Variants in CSMD1 observed in about 807,000 individuals in gnomAD.
The protein encoded by CSMD1 is CUB and sushi domain-containing protein 1.
A neutral mutation model predicts 417.5 loss-of-function variants in CSMD1; 213 were observed. The observed-to-expected ratio is 0.51, with a 90% CI of 0.46 to 0.57. The LOEUF is 0.57. Ranked by LOEUF, CSMD1 falls within the 20% of genes least tolerant of loss-of-function variation. The pLI, the probability that CSMD1 is intolerant of heterozygous loss-of-function variation, is 0.00. For synonymous variants in CSMD1, 2,862 were observed against 1,736.8 expected (o/e 1.65, Z -16.11); for missense variants, 6,923 against 4,529.7 (o/e 1.53, Z -15.17).
At chr8:3,408,462 C>T (rs1026237039) in intron 13 of CSMD1, among the ~76,000 whole-genome samples, 6 of 151,152 alleles carry the variant, frequency 4.0e-5, no homozygotes, top group Admixed American at 2.0e-4. Context: ...CAAGCACAAG[C>T]GTGGTTCAAA....
At chr8:4,726,932 G>C (rs1809498123) in intron 1 of CSMD1, among the ~76,000 whole-genome samples, 1 of 151,920 alleles carries the variant, frequency 6.6e-6, no homozygotes, top group African/African-American at 2.4e-5. Flanking sequence ...ATTTCTTCTG[G>C]GGATTGTACA....
At chr8:4,346,856 C>G (rs1355808289) in intron 3 of CSMD1, among the ~76,000 whole-genome samples, 1 of 152,158 alleles carries the variant, frequency 6.6e-6, no homozygotes, top group Non-Finnish European at 1.5e-5. Context: ...GAGGCCATCT[C>G]CACCTCTCTC....
chr8:3,282,712 C>T (rs1048454445), intron 26 of CSMD1, among the ~76,000 whole-genome samples: 2 of 152,134 alleles, frequency 1.3e-5, no homozygotes, highest in Non-Finnish European at 2.9e-5. Flanking sequence ...CTGTTCAGAG[C>T]ACAGTGAAAC....
At chr8:4,159,691 C>T (rs1198818295) in intron 3 of CSMD1, among the ~76,000 whole-genome samples, 1 of 152,136 alleles carries the variant, frequency 6.6e-6, no homozygotes, top group African/African-American at 2.4e-5. Flanking sequence ...CGGGTTCACG[C>T]CATTCTCCTG....
intron 1 of CSMD1, among the ~76,000 whole-genome samples, chr8:4,907,881 A>C (rs968789287): frequency 1.1e-4 from 16 of 152,146 alleles, no homozygotes; most frequent in African/African-American, 3.4e-4. Context: ...TTTATTAATT[A>C]TATCCTGCAG....
At chr8:4,323,481 G>C (rs1799382854) in intron 3 of CSMD1, among the ~76,000 whole-genome samples, 1 of 87,630 alleles carries the variant, frequency 1.1e-5, no homozygotes, top group African/African-American at 6.9e-5. Flanking sequence ...AATGGGACTA[G>C]GGCTTTCTCT....
chr8:3,693,008 T>C (rs1311869913), intron 7 of CSMD1, among the ~76,000 whole-genome samples: 1 of 152,234 alleles, frequency 6.6e-6, no homozygotes, highest in Non-Finnish European at 1.5e-5. Context: ...AACATTAATA[T>C]TATATTGGTA....
At chr8:3,097,121 A>C in intron 46 of CSMD1, 84 bp from the exon 47 acceptor site, 4 of 1,118,964 alleles carry the variant, frequency 3.6e-6, no homozygotes, top group Non-Finnish European at 4.9e-6. Context: ...TGTATAAACA[A>C]GTCAATGAAA....
chr8:3,518,806 G>T (rs984439785), intron 10 of CSMD1, among the ~76,000 whole-genome samples: 1 of 152,080 alleles, frequency 6.6e-6, no homozygotes, highest in Non-Finnish European at 1.5e-5. Context: ...TAGACACCAT[G>T]CAAACTTTCT....
At chr8:3,457,273 C>G (rs150541956) in intron 12 of CSMD1, among the ~76,000 whole-genome samples, 1 of 151,986 alleles carries the variant, frequency 6.6e-6, no homozygotes, top group Non-Finnish European at 1.5e-5. Flanking sequence ...TTGCCCTGTA[C>G]CCCTCATCTT....
At chr8:3,418,972 A>C (rs772386640) in intron 12 of CSMD1, among the ~76,000 whole-genome samples, 32 of 152,220 alleles carry the variant, frequency 2.1e-4, no homozygotes, top group Admixed American at 1.7e-3. Context: ...TAATTAGTAG[A>C]AATTTAGTCC....
rs1469188852 is a variant in CSMD1, at chr8:3,288,460, A to T, written c.3951-4114T>A. On this transcript the variant is annotated intron_variant, in intron 25 of 69. Transcript: ENST00000635120. ...TTTTTTGGTTGGTAAGCTACTGATTATTGCCTCAATTTCAGACCCTGTTAT... is the reference window on the plus strand; with the variant it reads ...TTTTTTGGTTGGTAAGCTACTGATTTTTGCCTCAATTTCAGACCCTGTTAT... 1.4e-5 allele frequency among the ~76,000 whole-genome samples: 2 copies of T among 146,984 alleles called. 1 individual carries two copies. The highest frequency in any genetic ancestry group is 3.9e-4 in the East Asian group (2 of 5,080).
intron 10 of CSMD1, among the ~76,000 whole-genome samples, chr8:3,573,632 C>T (rs996700669): frequency 5.9e-5 from 9 of 152,212 alleles, no homozygotes; most frequent in Non-Finnish European, 1.0e-4. Flanking sequence ...GAACACTTTA[C>T]GGAATCTAAA....
chr8:4,422,947 T>C (rs932812792), intron 2 of CSMD1, among the ~76,000 whole-genome samples: 1 of 151,962 alleles, frequency 6.6e-6, no homozygotes, highest in East Asian at 1.9e-4. Context: ...TAGTAATCTA[T>C]GTAGAAAAAA....
chr8:3,357,568 A>T (rs1164898870), intron 21 of CSMD1, among the ~76,000 whole-genome samples: 1 of 152,226 alleles, frequency 6.6e-6, no homozygotes, highest in Non-Finnish European at 1.5e-5. Flanking sequence ...CAGTGTAAAG[A>T]TAATGACTCT....
intron 12 of CSMD1, among the ~76,000 whole-genome samples, chr8:3,423,684 G>C (rs539548231): frequency 2.0e-5 from 3 of 152,192 alleles, no homozygotes; most frequent in Non-Finnish European, 4.4e-5. Flanking sequence ...TATGAAGAAA[G>C]TCTTACGAAT....
intron 3 of CSMD1, among the ~76,000 whole-genome samples, chr8:4,221,649 A>G (rs1245192183): frequency 2.6e-5 from 4 of 152,148 alleles, no homozygotes; most frequent in Non-Finnish European, 4.4e-5. Context: ...CCCTGACACC[A>G]TCCCCTACTT....
At chr8:4,478,489 C>A (rs117148774) in intron 2 of CSMD1, among the ~76,000 whole-genome samples, 2,279 of 152,068 alleles carry the variant, frequency 0.015, 32 homozygotes, top group Non-Finnish European at 0.024. Flanking sequence ...GCTTTCCCCC[C>A]CAAAAAAACT....
intron 8 of CSMD1, among the ~76,000 whole-genome samples, chr8:3,590,615 A>G (rs1428758381): frequency 6.6e-6 from 1 of 152,136 alleles, no homozygotes; most frequent in East Asian, 1.9e-4. Context: ...ACCTTTTTGC[A>G]AATTATCGGA....
Sources: gnomAD v4.1 joint callset for allele counts (sites outside exome capture counted in the v4.1 genomes callset) on GRCh38, gnomAD v4.1.1 for gene constraint, MANE v1.5 for transcripts, NCBI Gene and HGNC (gene_info 2026-07-23, HGNC 2026-07-21) for gene names.